Variants in COL23A1 observed in about 807,000 individuals in gnomAD.
The protein encoded by COL23A1 is collagen type XXIII alpha 1 chain.
In COL23A1, 97 loss-of-function variants were observed where a neutral mutation model predicts 99.3. That is an observed-to-expected ratio of 0.98 (90% CI 0.83 to 1.16). The LOEUF (loss-of-function observed/expected upper bound fraction) is 1.16, where lower values mean the gene tolerates loss of function less well. Among genes scored for constraint, COL23A1 ranks in the 50% most tolerant of loss-of-function variants. The probability of loss-of-function intolerance (pLI) is 0.00; values close to 1 mark genes in which losing one functional copy is unlikely to be tolerated. For synonymous variants in COL23A1, 320 were observed against 308.2 expected, an observed-to-expected ratio of 1.04 and a Z score of -0.40; for missense variants, 762 against 757.4, an observed-to-expected ratio of 1.01 and a Z score of -0.07.
At chr5:178,410,291 A>T (rs1275737967) in intron 2 of COL23A1, among the ~76,000 whole-genome samples, 1 of 152,216 alleles carries the variant, frequency 6.6e-6, no homozygotes, top group Non-Finnish European at 1.5e-5. Context: ...AGATGGCATC[A>T]CTTCCCAAAG....
chr5:178,587,950 C>T (rs1057249801), intron 1 of COL23A1, among the ~76,000 whole-genome samples: 2 of 152,220 alleles, frequency 1.3e-5, no homozygotes, highest in African/African-American at 4.8e-5. Flanking sequence ...CATACTGCAC[C>T]ATCTCTGACT....
At chr5:178,538,064 G>A (rs764814089) in intron 2 of COL23A1, among the ~76,000 whole-genome samples, 40 of 152,194 alleles carry the variant, frequency 2.6e-4, no homozygotes, top group Non-Finnish European at 2.4e-4. Context: ...AGGCTGAATC[G>A]TATGCTATTG....
In COL23A1 at chr5:178,306,868, G is replaced by T. The variant is rs927598505; in HGVS notation, c.406+7C>A. On this transcript the variant is annotated splice_region_variant and intron_variant, in intron 3 of 28. Coordinates refer to ENST00000390654, the MANE Select transcript of COL23A1 (RefSeq NM_173465.4). This position sits in a 1 kb window ranked among gnomAD's most constrained non-coding sequence, Gnocchi z 4.1. ...TGGCTTAGGAGCTGAGAAAACCTGG[G>T]ACTCACCAGGGTCGCCTCTTCTCCC... 1 of 1,520,716 alleles carries T rather than the reference G, an allele frequency of 6.6e-7. No individual in the cohort carries two copies. The highest frequency in any genetic ancestry group is 8.8e-7 in the Non-Finnish European group (1 of 1,132,640). The allele number at this position is 1,520,716 out of a possible 1,614,324, so 94.2% of individuals were successfully genotyped here. A position where few individuals can be genotyped will look rare whatever the true frequency, so the allele number is the denominator to read the frequency against.
In COL23A1 at chr5:178,376,775, C is replaced by T. The variant is rs536911888; in HGVS notation, c.362-69856G>A. 7.9e-5 allele frequency among the ~76,000 whole-genome samples: 12 copies of T among 152,260 alleles called. 1 individual carries two copies. In the South Asian group the frequency reaches 1.7e-3, roughly 21 times the overall value. On this transcript the variant is annotated intron_variant, in intron 2 of 28. Coordinates refer to ENST00000390654, the MANE Select transcript of COL23A1 (RefSeq NM_173465.4). ...CTGAGACCCTCCGCCATCTGCAAGG[C>T]GAAAGTCATGCCCTGTTTACTGCCA...
intron 2 of COL23A1, among the ~76,000 whole-genome samples, chr5:178,324,516 G>T (rs535345024): frequency 6.0e-4 from 92 of 152,212 alleles, no homozygotes; most frequent in African/African-American, 2.0e-3. Context: ...TGTGCTTACG[G>T]AGCAGTGCCC....
chr5:178,368,562 A>C (rs985593090), intron 2 of COL23A1, among the ~76,000 whole-genome samples: 1 of 152,176 alleles, frequency 6.6e-6, no homozygotes, highest in Admixed American at 6.5e-5. Flanking sequence ...GAGTAGTTCC[A>C]CTGCCCTAAA....
At chr5:178,491,537 C>T (rs957592152) in intron 2 of COL23A1, among the ~76,000 whole-genome samples, 1 of 151,970 alleles carries the variant, frequency 6.6e-6, no homozygotes, top group Non-Finnish European at 1.5e-5. Flanking sequence ...AAAATCTGGC[C>T]CAAAAGCTTC....
intron 2 of COL23A1, among the ~76,000 whole-genome samples, chr5:178,414,785 A>T (rs1765221060): frequency 1.3e-5 from 2 of 152,188 alleles, no homozygotes; most frequent in Non-Finnish European, 2.9e-5. Context: ...AAAAAAAGGC[A>T]ACCAGGAAAG....
intron 2 of COL23A1, among the ~76,000 whole-genome samples, chr5:178,518,659 G>GGCGGCCAGGCAGAGGCGCTCCTCAC (rs1373441301): frequency 2.6e-5 from 3 of 116,392 alleles, no homozygotes; most frequent in East Asian, 2.1e-4. Flanking sequence ...TCCTAGATGG[G>GGCGGCCAGGCAGAGGCGCTCCTCAC]ATGGCGGCCG....
intron 3 of COL23A1, among the ~76,000 whole-genome samples, chr5:178,299,360 C>A (rs1254977487): frequency 6.6e-6 from 1 of 152,166 alleles, no homozygotes; most frequent in Non-Finnish European, 1.5e-5. Context: ...TTTTTGACTT[C>A]TTGAATCAGT....
At chr5:178,268,970 A>G (rs1317189512) in intron 6 of COL23A1, among the ~76,000 whole-genome samples, 1 of 152,112 alleles carries the variant, frequency 6.6e-6, no homozygotes, top group Non-Finnish European at 1.5e-5. Context: ...ATACGGGGGA[A>G]TTGCGGGTGA....
intron 25 of COL23A1, among the ~76,000 whole-genome samples, chr5:178,243,881 A>G (rs2127526959): frequency 6.6e-6 from 1 of 152,272 alleles, no homozygotes; most frequent in South Asian, 2.1e-4. Context: ...CTGGTTCAGC[A>G]TTGTCCTCTC....
intron 2 of COL23A1, among the ~76,000 whole-genome samples, chr5:178,378,711 G>A (rs1031189737): frequency 9.2e-5 from 14 of 152,306 alleles, no homozygotes; most frequent in African/African-American, 3.4e-4. Flanking sequence ...GGGAGGTTTG[G>A]TGCCTCCTGG....
At chr5:178,423,858 T>C (rs1394044868) in intron 2 of COL23A1, among the ~76,000 whole-genome samples, 1 of 152,140 alleles carries the variant, frequency 6.6e-6, no homozygotes, top group Non-Finnish European at 1.5e-5. Flanking sequence ...ACTTTAATGT[T>C]GGGGTGCTCC....
At chr5:178,301,613 T>C (rs951793020) in intron 3 of COL23A1, among the ~76,000 whole-genome samples, 13 of 152,252 alleles carry the variant, frequency 8.5e-5, no homozygotes, top group Non-Finnish European at 2.9e-5. Context: ...TTGCTCTCCG[T>C]TGAGGGCCTT....
intron 2 of COL23A1, among the ~76,000 whole-genome samples, chr5:178,367,896 T>G (rs2910114): frequency 0.42 from 63,541 of 152,058 alleles, 15,079 homozygotes; most frequent in African/African-American, 0.65. Flanking sequence ...TGGAGCAGGA[T>G]GAGACCAGCT....
intron 2 of COL23A1, among the ~76,000 whole-genome samples, chr5:178,431,505 T>C (rs1279426742): frequency 6.6e-6 from 1 of 152,204 alleles, no homozygotes; most frequent in Non-Finnish European, 1.5e-5. Flanking sequence ...GAGACTATTC[T>C]AGATTAGTTT....
intron 2 of COL23A1, among the ~76,000 whole-genome samples, chr5:178,443,833 C>A (rs770012920): frequency 2.0e-5 from 3 of 151,814 alleles, no homozygotes; most frequent in Admixed American, 6.6e-5. Context: ...AATAATGGGA[C>A]CTATGTAATT....
intron 2 of COL23A1, among the ~76,000 whole-genome samples, chr5:178,532,342 T>C (rs1337542231): frequency 6.6e-6 from 1 of 152,156 alleles, no homozygotes. Flanking sequence ...GAAGTGGCCT[T>C]TTTAGGAGCA....
Sources: gnomAD v4.1 joint callset for allele counts (sites outside exome capture counted in the v4.1 genomes callset) on GRCh38, gnomAD v4.1.1 for gene constraint, Gnocchi (gnomAD v3.1) non-coding constraint, MANE v1.5 for transcripts, NCBI Gene and HGNC (gene_info 2026-07-23, HGNC 2026-07-21) for gene names.